FGF10: variants seen among roughly 807,000 people sequenced by gnomAD.
FGF10 encodes the protein fibroblast growth factor 10.
A neutral mutation model predicts 19.8 loss-of-function variants in FGF10; 2 were observed. That is an observed-to-expected ratio of 0.10 (90% CI 0.04 to 0.32). The LOEUF (loss-of-function observed/expected upper bound fraction) is 0.32, where lower values mean the gene tolerates loss of function less well. FGF10 is among the 10% of genes least tolerant of loss of function. FGF10 has a pLI of 1.00. For synonymous variants in FGF10, 112 were observed against 94.0 expected (o/e 1.19, Z -1.10); for missense variants, 191 against 246.3 (o/e 0.78, Z 1.50).
intron 1 of FGF10, among the ~76,000 whole-genome samples, chr5:44,311,097 C>T (rs2111690369): frequency 6.6e-6 from 1 of 152,112 alleles, no homozygotes; most frequent in African/African-American, 2.4e-5. Context: ...GGAGACTAAT[C>T]CCAACATCTG....
rs369614411 is a variant in FGF10 at position 44,325,212 on chromosome 5, G to A, written c.326-14682C>T. 6.6e-5 allele frequency among the ~76,000 whole-genome samples: 10 copies of A among 152,164 alleles called. No homozygotes were observed. In the East Asian group the frequency reaches 1.5e-3, roughly 24 times the overall value. ...ACCATCTCACACGAGTTAGAATGGC[G>A]GTCATTAAAAAGTCAGGAAACAACA... On this transcript the variant is annotated intron_variant, in intron 1 of 2. Transcript: ENST00000264664.
In FGF10 at chr5:44,300,297, G is replaced by C. The variant is rs1739943071; in HGVS notation, c.*4698C>G. Among the ~76,000 whole-genome samples, 1 of 151,770 alleles carries C rather than the reference G, an allele frequency of 6.6e-6. No individual in the cohort carries two copies. The highest frequency in any genetic ancestry group is 1.5e-5 in the Non-Finnish European group (1 of 67,952). On this transcript the variant is annotated 3_prime_UTR_variant, in exon 3 of 3. Transcript: ENST00000264664. ...ACACTTAAACAATGAATGACATCAG[G>C]GTTTCAGATTTTTTCTATATGTCGA...
intron 1 of FGF10, among the ~76,000 whole-genome samples, chr5:44,339,820 A>G (rs912621966): frequency 6.6e-6 from 1 of 152,132 alleles, no homozygotes; most frequent in Admixed American, 6.6e-5. Context: ...ACTTCAGGCT[A>G]TATGCCCCCA....
intron 1 of FGF10, among the ~76,000 whole-genome samples, chr5:44,342,499 T>C (rs377333391): frequency 9.1e-5 from 13 of 142,144 alleles, no homozygotes; most frequent in Non-Finnish European, 1.5e-4. Flanking sequence ...AAGAAATTTA[T>C]AGAAAGTTTT....
intron 1 of FGF10, among the ~76,000 whole-genome samples, chr5:44,365,071 T>A (rs918212308): frequency 1.8e-4 from 28 of 151,928 alleles, no homozygotes; most frequent in African/African-American, 6.8e-4. Context: ...TAGTTATTAC[T>A]GTAAAATGTC....
intron 1 of FGF10, among the ~76,000 whole-genome samples, chr5:44,344,568 C>CTGTGTGTGTGTG (rs1166640935): frequency 0.082 from 10,399 of 126,696 alleles, 680 homozygotes; most frequent in African/African-American, 0.15. Context: ...TTTGTTTTCT[C>CTGTGTGTGTGTG]TGTGTGTGTG....
chr5:44,367,746 A>T (rs1204135768), intron 1 of FGF10, among the ~76,000 whole-genome samples: 1 of 152,020 alleles, frequency 6.6e-6, no homozygotes, highest in African/African-American at 2.4e-5. Context: ...ACAGAACTGA[A>T]ACAATATCTA....
At chr5:44,371,356 T>G (rs546816331) in intron 1 of FGF10, among the ~76,000 whole-genome samples, 2 of 152,208 alleles carry the variant, frequency 1.3e-5, no homozygotes, top group African/African-American at 4.8e-5. Flanking sequence ...ACTTCAGAAG[T>G]ATAAGAAACA....
chr5:44,336,313 C>A (rs1740849317), intron 1 of FGF10, among the ~76,000 whole-genome samples: 2 of 151,882 alleles, frequency 1.3e-5, no homozygotes, highest in Admixed American at 1.3e-4. Flanking sequence ...TTCAAAATTT[C>A]TTTCATGGTA....
Position 44,388,692 on chromosome 5 carries a change from A to G in FGF10, c.-10T>C, listed in dbSNP as rs143865624. 1.9e-4 allele frequency: 312 copies of G among 1,613,696 alleles called. No individual in the cohort carries two copies. In the African/African-American group the frequency reaches 3.7e-3, roughly 19 times the overall value. On this transcript the variant is annotated 5_prime_UTR_variant, in exon 1 of 3. Transcript: ENST00000264664. Reference sequence around the variant, plus strand: ...GTATCCATTTCCACATTGTACTGAAACTCTCGGCACTGGAAATTGTCTCAT... The same window carrying G: ...GTATCCATTTCCACATTGTACTGAAGCTCTCGGCACTGGAAATTGTCTCAT...
intron 1 of FGF10, among the ~76,000 whole-genome samples, chr5:44,325,311 G>C (rs1740587588): frequency 6.6e-6 from 1 of 151,998 alleles, no homozygotes; most frequent in African/African-American, 2.4e-5. Context: ...TTCAACCATT[G>C]TGGAAGTCAG....
intron 1 of FGF10, among the ~76,000 whole-genome samples, chr5:44,350,146 A>T (rs957911055): frequency 2.6e-5 from 4 of 150,980 alleles, no homozygotes; most frequent in African/African-American, 4.8e-5. Flanking sequence ...GAATATTTTA[A>T]CTATTGATAT....
At chr5:44,350,056 G>A (rs994630084) in intron 1 of FGF10, among the ~76,000 whole-genome samples, 21 of 150,144 alleles carry the variant, frequency 1.4e-4, no homozygotes, top group Admixed American at 1.1e-3. Context: ...ACACACACAC[G>A]CACACACACA....
At chr5:44,329,276 A>G (rs1017737158) in intron 1 of FGF10, among the ~76,000 whole-genome samples, 5 of 152,122 alleles carry the variant, frequency 3.3e-5, no homozygotes, top group Non-Finnish European at 5.9e-5. Context: ...TCCCGAGTTC[A>G]AGTGATTCTT....
At chr5:44,335,627 C>T (rs1740831919) in intron 1 of FGF10, among the ~76,000 whole-genome samples, 1 of 151,992 alleles carries the variant, frequency 6.6e-6, no homozygotes, top group Non-Finnish European at 1.5e-5. Context: ...TTTTTTAGCA[C>T]ATGGAAGCTA....
At chr5:44,372,592 C>A (rs1453989078) in intron 1 of FGF10, among the ~76,000 whole-genome samples, 1 of 152,088 alleles carries the variant, frequency 6.6e-6, no homozygotes, top group Admixed American at 6.6e-5. Context: ...GCTCAAAAAT[C>A]TCAAATTGTG....
chr5:44,340,347 C>T (rs1202992629), intron 1 of FGF10, among the ~76,000 whole-genome samples: 1 of 152,070 alleles, frequency 6.6e-6, no homozygotes, highest in Non-Finnish European at 1.5e-5. Context: ...CCTTTGAAAT[C>T]TACCCTTGTA....
At chr5:44,345,288 G>GA (rs1040796893) in intron 1 of FGF10, among the ~76,000 whole-genome samples, 4 of 151,108 alleles carry the variant, frequency 2.6e-5, no homozygotes, top group African/African-American at 9.8e-5. Context: ...ATACCTTGAG[G>GA]AAAAAAATCA....
intron 1 of FGF10, among the ~76,000 whole-genome samples, chr5:44,357,226 G>A (rs1219209484): frequency 6.6e-6 from 1 of 151,340 alleles, no homozygotes; most frequent in Non-Finnish European, 1.5e-5. Context: ...CCAGAAAGGG[G>A]CCATACCAGT....
Sources: allele counts gnomAD v4.1 joint callset (sites outside exome capture counted in the v4.1 genomes callset), GRCh38; gene constraint gnomAD v4.1.1; transcripts MANE v1.5; gene names NCBI Gene and HGNC (gene_info 2026-07-23, HGNC 2026-07-21).